MTCL2: variants seen among roughly 807,000 people sequenced by gnomAD.
MTCL2 encodes microtubule cross-linking factor 2.
the MTCL2 span, chr20:36,815,714 G>A: frequency 3.1e-6 from 5 of 1,600,320 alleles, no homozygotes; most frequent in Non-Finnish European, 4.3e-6. This position sits in a 1 kb window ranked among gnomAD's most constrained non-coding sequence, Gnocchi z 5.3. Context: ...TCTGCAGCTT[G>A]GCGGCCGCCA....
chr20:36,786,491 G>T, the MTCL2 span: 3 of 1,539,966 alleles, frequency 1.9e-6, no homozygotes, highest in Non-Finnish European at 2.6e-6. Context: ...TCTGTCACTC[G>T]CTGGGGGGGA....
chr20:36,862,994 C>T, the MTCL2 span: 1 of 1,408,232 alleles, frequency 7.1e-7, no homozygotes, highest in Non-Finnish European at 9.3e-7. Flanking sequence ...AGCTGCTATC[C>T]GTGAGGCTGG....
chr20:36,848,552 C>G, the MTCL2 span, among the ~76,000 whole-genome samples: 1 of 152,198 alleles, frequency 6.6e-6, no homozygotes, highest in Non-Finnish European at 1.5e-5. Flanking sequence ...CTGAACCCCC[C>G]ACTCCCAGTA....
chr20:36,806,185 C>A, the MTCL2 span, among the ~76,000 whole-genome samples: 8 of 152,132 alleles, frequency 5.3e-5, no homozygotes, highest in Non-Finnish European at 1.2e-4. Flanking sequence ...AATGAAAAGG[C>A]CACACGCACT....
the MTCL2 span, among the ~76,000 whole-genome samples, chr20:36,810,432 G>A: frequency 1.3e-5 from 2 of 152,218 alleles, no homozygotes; most frequent in Non-Finnish European, 2.9e-5. Flanking sequence ...CAATATTTTA[G>A]AAACAACTTA....
the MTCL2 span, among the ~76,000 whole-genome samples, chr20:36,845,242 G>A: frequency 7.2e-5 from 11 of 152,298 alleles, no homozygotes; most frequent in African/African-American, 2.6e-4. Context: ...TTTCCTTCTA[G>A]TTATTTCCCC....
chr20:36,815,765 C>T, the MTCL2 span: 2 of 1,589,986 alleles, frequency 1.3e-6, no homozygotes, highest in South Asian at 2.3e-5. This position sits in a 1 kb window ranked among gnomAD's most constrained non-coding sequence, Gnocchi z 5.3. Context: ...AACAACTGTC[C>T]TCCGACAGCG....
chr20:36,839,646 A>G, the MTCL2 span, among the ~76,000 whole-genome samples: 1 of 152,252 alleles, frequency 6.6e-6, no homozygotes, highest in East Asian at 1.9e-4. This position sits in a 1 kb window ranked among gnomAD's most constrained non-coding sequence, Gnocchi z 5.1. Context: ...TGCAAATATG[A>G]GTAAATTAAG....
the MTCL2 span, chr20:36,796,842 C>G: frequency 6.2e-7 from 1 of 1,605,516 alleles, no homozygotes; most frequent in Non-Finnish European, 8.5e-7. Context: ...GGCTGTGGGG[C>G]CGGTCAGAGA....
the MTCL2 span, chr20:36,814,994 C>G: frequency 2.4e-5 from 20 of 847,204 alleles, no homozygotes; most frequent in Non-Finnish European, 3.4e-5. Context: ...CCCAGGATAT[C>G]GAGGCTGCAG....
the MTCL2 span, among the ~76,000 whole-genome samples, chr20:36,853,208 G>C: frequency 2.0e-5 from 3 of 152,144 alleles, no homozygotes; most frequent in Non-Finnish European, 4.4e-5. Flanking sequence ...GGAATAATGA[G>C]GGAAGACTGG....
chr20:36,851,505 C>T, the MTCL2 span, among the ~76,000 whole-genome samples: 1 of 152,184 alleles, frequency 6.6e-6, no homozygotes, highest in South Asian at 2.1e-4. Context: ...AGCCACCTCA[C>T]CTGTCCCACC....
the MTCL2 span, among the ~76,000 whole-genome samples, chr20:36,849,060 C>CTTTTTTTTTTTTTTTTTTTT: frequency 3.0e-3 from 189 of 62,242 alleles, 24 homozygotes; most frequent in East Asian, 5.8e-3. Flanking sequence ...AGTTGGTTTC[C>CTTTTTTTTTTTTTTTTTTTT]TTTTTTTTTT....
the MTCL2 span, chr20:36,815,812 G>A: frequency 6.3e-7 from 1 of 1,593,510 alleles, no homozygotes; most frequent in Admixed American, 1.8e-5. The surrounding 1 kb of genome is among the most constrained non-coding windows in gnomAD (Gnocchi z 5.3). Flanking sequence ...AACTTGGCCA[G>A]CTCGTTCAGC....
At chr20:36,863,418 A>T in the MTCL2 span, 1 of 1,083,130 alleles carries the variant, frequency 9.2e-7, no homozygotes, top group Non-Finnish European at 1.1e-6. This position sits in a 1 kb window ranked among gnomAD's most constrained non-coding sequence, Gnocchi z 6.2. Flanking sequence ...CTGGGGAGGG[A>T]CCCGGCGCGG....
At chr20:36,817,366 C>T in the MTCL2 span, 17 of 1,535,448 alleles carry the variant, frequency 1.1e-5, no homozygotes, top group African/African-American at 1.8e-4. Flanking sequence ...AGGCTCAGGT[C>T]TTCAGAATAA....
the MTCL2 span, among the ~76,000 whole-genome samples, chr20:36,813,259 G>A: frequency 7.5e-6 from 1 of 132,518 alleles, no homozygotes; most frequent in Non-Finnish European, 1.5e-5. Context: ...GCTACAGCGA[G>A]CTGTGATCAT....
At chr20:36,828,913 A>C in the MTCL2 span, 7 of 839,176 alleles carry the variant, frequency 8.3e-6, no homozygotes, top group Admixed American at 3.0e-5. Context: ...TGTTGGAGGA[A>C]TGAATGAATA....
chr20:36,840,207 C>T, the MTCL2 span, among the ~76,000 whole-genome samples: 5 of 151,134 alleles, frequency 3.3e-5, no homozygotes, highest in African/African-American at 1.2e-4. Context: ...CTCTGTCGCC[C>T]AGGCTGGAGT....
Sources: allele counts gnomAD v4.1 joint callset (sites outside exome capture counted in the v4.1 genomes callset), GRCh38; gene constraint gnomAD v4.1.1; non-coding constraint Gnocchi (gnomAD v3.1); transcripts MANE v1.5; gene names NCBI Gene and HGNC (gene_info 2026-07-23, HGNC 2026-07-21).